Variants in CACNA2D3 observed in about 807,000 individuals in gnomAD.
The protein encoded by CACNA2D3 is voltage-dependent calcium channel subunit alpha-2/delta-3.
A neutral mutation model predicts 160.6 loss-of-function variants in CACNA2D3; 60 were observed. The ratio of observed to expected loss-of-function variants is 0.37; its 90% CI spans 0.30 to 0.46. The LOEUF is 0.46. Ranked by LOEUF, CACNA2D3 falls within the 20% of genes least tolerant of loss-of-function variation. The pLI is 1.00. For synonymous variants in CACNA2D3, 558 were observed against 492.9 expected, an observed-to-expected ratio of 1.13 and a Z score of -1.75; for missense variants, 1,205 against 1,365.0, an observed-to-expected ratio of 0.88 and a Z score of 1.85.
intron 3 of CACNA2D3, among the ~76,000 whole-genome samples, chr3:54,368,693 C>CTTTTTTTTT (rs33976949): frequency 4.2e-5 from 3 of 71,538 alleles, no homozygotes; most frequent in East Asian, 5.7e-4. Context: ...GGGTAGGGTT[C>CTTTTTTTTT]TTTTTTTTTT....
In CACNA2D3 at chr3:54,420,074, TTTTGTTTG is replaced by T. The variant is rs545631199; in HGVS notation, c.381+33320_381+33327del. 2.2e-3 allele frequency among the ~76,000 whole-genome samples: 316 copies of T among 146,882 alleles called. 2 individuals carry two copies. The highest frequency in any genetic ancestry group is 7.3e-3 in the African/African-American group (288 of 39,534). ...AGCTACTGCACCCGGCCTATTCAGT[TTTTGTTTG>T]TTTGTTTGTTTGTTTGTTTTCAGAT... On this transcript the variant is annotated intron_variant, in intron 4 of 37. Transcript: ENST00000474759.
Position 54,173,971 on chromosome 3 carries a change from C to T in CACNA2D3, c.204+50377C>T, listed in dbSNP as rs1212854756. 3.3e-5 allele frequency among the ~76,000 whole-genome samples: 5 copies of T among 152,168 alleles called. No homozygotes were observed. The East Asian group carries it at 9.6e-4, about 29-fold the overall frequency. On this transcript the variant is annotated intron_variant, in intron 2 of 37. Transcript: ENST00000474759. ...GGAATTTGATTGCTTAACAAACTGT[C>T]CAGATGTGTTTGATGCTAGCTAATT...
intron 11 of CACNA2D3, among the ~76,000 whole-genome samples, chr3:54,649,928 C>T (rs890427707): frequency 2.0e-5 from 3 of 152,166 alleles, no homozygotes; most frequent in African/African-American, 7.2e-5. Flanking sequence ...CTGTAACTGT[C>T]AAATAACAGA....
At chr3:54,244,763 T>G (rs1020528826) in intron 2 of CACNA2D3, among the ~76,000 whole-genome samples, 2 of 152,236 alleles carry the variant, frequency 1.3e-5, no homozygotes, top group African/African-American at 4.8e-5. Context: ...TTTAGCTTCA[T>G]TGTAAGTAAT....
intron 9 of CACNA2D3, among the ~76,000 whole-genome samples, chr3:54,622,768 G>A (rs1396649186): frequency 6.6e-6 from 1 of 152,188 alleles, no homozygotes; most frequent in African/African-American, 2.4e-5. Context: ...CCCTTCCTTT[G>A]CTTCCAGACA....
chr3:54,764,425 G>A (rs2107099291), intron 13 of CACNA2D3, 74 bp downstream of exon 13: 3 of 1,552,578 alleles, frequency 1.9e-6, no homozygotes, highest in East Asian at 2.3e-5. Flanking sequence ...CCAGAAAATA[G>A]CAACTGTATC....
intron 2 of CACNA2D3, among the ~76,000 whole-genome samples, chr3:54,223,622 A>C (rs1443602919): frequency 6.6e-6 from 1 of 152,060 alleles, no homozygotes. Flanking sequence ...TTGGGAGGCC[A>C]AGGTGGGCAG....
chr3:54,923,241 C>A (rs776780955), intron 27 of CACNA2D3, among the ~76,000 whole-genome samples: 2 of 152,136 alleles, frequency 1.3e-5, no homozygotes, highest in Non-Finnish European at 2.9e-5. Flanking sequence ...TGATCTGACC[C>A]CCAAGTACTG....
At chr3:54,467,656 C>T (rs1441357842) in intron 4 of CACNA2D3, among the ~76,000 whole-genome samples, 1 of 151,984 alleles carries the variant, frequency 6.6e-6, no homozygotes, top group Non-Finnish European at 1.5e-5. Flanking sequence ...TGATTTCAGT[C>T]ATATATGGAA....
intron 4 of CACNA2D3, among the ~76,000 whole-genome samples, chr3:54,387,874 A>G (rs1457564491): frequency 6.6e-6 from 1 of 152,134 alleles, no homozygotes; most frequent in East Asian, 1.9e-4. Context: ...CTATATTCCC[A>G]TTTATATGGG....
chr3:54,611,496 G>C (rs1357585297), intron 9 of CACNA2D3, among the ~76,000 whole-genome samples: 1 of 152,190 alleles, frequency 6.6e-6, no homozygotes, highest in Non-Finnish European at 1.5e-5. Context: ...TCCTTGGTGT[G>C]CCACTTATTG....
intron 2 of CACNA2D3, among the ~76,000 whole-genome samples, chr3:54,296,949 C>T (rs7433571): frequency 0.084 from 12,756 of 152,238 alleles, 765 homozygotes; most frequent in South Asian, 0.13. Context: ...CTTTGGAGGT[C>T]AGGGGTACCT....
chr3:55,039,086 C>T (rs1703900452), intron 35 of CACNA2D3, among the ~76,000 whole-genome samples: 1 of 151,778 alleles, frequency 6.6e-6, no homozygotes, highest in Admixed American at 6.6e-5. Context: ...AAAGGAAGCA[C>T]ATGTTGGCTA....
At chr3:54,328,799 T>C (rs555318196) in intron 3 of CACNA2D3, among the ~76,000 whole-genome samples, 1 of 152,118 alleles carries the variant, frequency 6.6e-6, no homozygotes, top group African/African-American at 2.4e-5. Flanking sequence ...GCCCTCCCCT[T>C]CTCCTCCCTT....
intron 11 of CACNA2D3, among the ~76,000 whole-genome samples, chr3:54,721,982 C>A (rs1191956514): frequency 1.3e-5 from 2 of 152,100 alleles, no homozygotes; most frequent in East Asian, 3.9e-4. Flanking sequence ...GGAAGTTCTC[C>A]TGGCTAATAT....
At chr3:55,031,497 A>G (rs1553634883) in intron 35 of CACNA2D3, among the ~76,000 whole-genome samples, 2 of 152,218 alleles carry the variant, frequency 1.3e-5, no homozygotes, top group Non-Finnish European at 2.9e-5. Flanking sequence ...AAGTTTCTAG[A>G]CCCAAACCAC....
rs112644225 is a variant in CACNA2D3 at position 54,431,796 on chromosome 3, G to C, written c.381+45022G>C. 2.2e-4 allele frequency among the ~76,000 whole-genome samples: 34 copies of C among 152,048 alleles called. No individual in the cohort carries two copies. The East Asian group carries it at 6.4e-3, about 29-fold the overall frequency. ...TAATTTTTGTATTTTTAGTAGAGAC[G>C]GGGTTTCAGCTGTGTTGGCCAGGAT... On this transcript the variant is annotated intron_variant, in intron 4 of 37. Coordinates refer to ENST00000474759, the MANE Select transcript of CACNA2D3 (RefSeq NM_018398.3).
At chr3:54,604,436 G>C (rs1049464964) in intron 9 of CACNA2D3, among the ~76,000 whole-genome samples, 5 of 152,192 alleles carry the variant, frequency 3.3e-5, no homozygotes, top group Non-Finnish European at 7.3e-5. Flanking sequence ...AATCAGGAAT[G>C]TAAGTTTCTT....
chr3:54,363,753 G>A (rs1698783533), intron 3 of CACNA2D3, among the ~76,000 whole-genome samples: 2 of 152,218 alleles, frequency 1.3e-5, no homozygotes, highest in South Asian at 4.1e-4. Context: ...ACAGTAAGCA[G>A]CATTATGACA....
Sources: allele counts gnomAD v4.1 joint callset (sites outside exome capture counted in the v4.1 genomes callset), GRCh38; gene constraint gnomAD v4.1.1; transcripts MANE v1.5; gene names NCBI Gene and HGNC (gene_info 2026-07-23, HGNC 2026-07-21).